The following SLC2A14 variants were observed in gnomAD, a reference collection of about 807,000 sequenced individuals.
The protein encoded by SLC2A14 is solute carrier family 2 member 14.
SLC2A14 carries 13 observed loss-of-function variants against 43.0 expected under a neutral mutation model. The ratio of observed to expected loss-of-function variants is 0.30; its 90% CI spans 0.20 to 0.48. The LOEUF (loss-of-function observed/expected upper bound fraction) is 0.48, where lower values mean the gene tolerates loss of function less well. SLC2A14 is among the 20% of genes least tolerant of loss of function. SLC2A14 has a pLI of 0.99. For missense variants in SLC2A14, 428 were observed against 620.4 expected (o/e 0.69, Z 3.29); for synonymous variants, 190 against 233.8 (o/e 0.81, Z 1.71).
chr12:7,886,654 T>C (rs1000731684), intron 1 of SLC2A14, among the ~76,000 whole-genome samples: 2 of 152,084 alleles, frequency 1.3e-5, no homozygotes, highest in Non-Finnish European at 2.9e-5. Flanking sequence ...CATTGGTAAT[T>C]GGAGAGTAAC....
chr12:7,833,487 C>T (rs528675766), intron 2 of SLC2A14, among the ~76,000 whole-genome samples: 50 of 152,192 alleles, frequency 3.3e-4, no homozygotes, highest in Middle Eastern at 3.2e-3. Flanking sequence ...ACATTTCTGG[C>T]CGGGCACGGT....
chr12:7,872,988 G>A (rs1163840856), upstream of SLC2A14: 1 of 985,402 alleles, frequency 1.0e-6, no homozygotes, highest in African/African-American at 1.7e-5. Flanking sequence ...CGGTTCATCG[G>A]GAGCCCTCCG....
At chr12:7,872,119 C>A (rs1945267283) in intron 1 of SLC2A14, 1 of 157,434 alleles carries the variant, frequency 6.4e-6, no homozygotes. Context: ...ACCAAGGACA[C>A]TTGGCCTTAC....
chr12:7,845,652 G>A (rs995428837), intron 2 of SLC2A14, among the ~76,000 whole-genome samples: 2 of 151,720 alleles, frequency 1.3e-5, no homozygotes, highest in African/African-American at 2.4e-5. Flanking sequence ...GGTGGCAGGC[G>A]CCTGTAGTCC....
chr12:7,879,005 A>AC (rs1945517297), intron 1 of SLC2A14, among the ~76,000 whole-genome samples: 1 of 138,348 alleles, frequency 7.2e-6, no homozygotes, highest in East Asian at 2.3e-4. Context: ...AAAAAAAAAA[A>AC]CAATTTGTCT....
chr12:7,827,089 T>C lies in SLC2A14; in HGVS notation c.864+406A>G, dbSNP rs986904841. Among the ~76,000 whole-genome samples, 8 of 118,992 alleles carry C rather than the reference T, an allele frequency of 6.7e-5. No individual in the cohort carries two copies. In the East Asian group the frequency reaches 1.2e-3, roughly 18 times the overall value. 78.1% of individuals were successfully genotyped at this position (118,992 alleles called of 152,430 possible). ...TCTCTCTCTCTCTTTCTTTCTTTCT[T>C]TCTTTCTCTTTCTTTCTTTCTTTCT... On this transcript the variant is annotated intron_variant, in intron 7 of 10. Coordinates refer to ENST00000431042, the MANE Select transcript of SLC2A14 (RefSeq NM_001286234.2).
At chr12:7,871,612 G>A (rs3923480) in intron 1 of SLC2A14, among the ~76,000 whole-genome samples, 63,630 of 151,562 alleles carry the variant, frequency 0.42, 13,252 homozygotes, top group Admixed American at 0.46. Flanking sequence ...GACCCCTCCA[G>A]GGAAAGACCG....
At chr12:7,877,390 C>T (rs1053882666), upstream of SLC2A14, among the ~76,000 whole-genome samples, 9 of 151,950 alleles carry the variant, frequency 5.9e-5, no homozygotes, top group Non-Finnish European at 1.2e-4. Context: ...ATCACTGCAG[C>T]GTCAACCTCC....
chr12:7,873,924 G>T (rs1302336184), upstream of SLC2A14, among the ~76,000 whole-genome samples: 1 of 152,078 alleles, frequency 6.6e-6, no homozygotes, highest in Admixed American at 6.6e-5. Context: ...TACCACGACA[G>T]CATGGCCTTC....
chr12:7,849,373 G>T (rs577716240), intron 2 of SLC2A14, among the ~76,000 whole-genome samples: 2 of 151,866 alleles, frequency 1.3e-5, no homozygotes, highest in African/African-American at 4.8e-5. Flanking sequence ...GTGTGGTGGC[G>T]CCCACCTGTG....
At chr12:7,826,909 C>CTTTCTTTT (rs1555121677) in intron 7 of SLC2A14, among the ~76,000 whole-genome samples, 2 of 81,174 alleles carry the variant, frequency 2.5e-5, no homozygotes, top group Non-Finnish European at 4.7e-5. Context: ...TTCTTTCTTT[C>CTTTCTTTT]TTTCTTTTTC....
At chr12:7,828,481 G>A (rs371323689) in intron 6 of SLC2A14, among the ~76,000 whole-genome samples, 146 of 151,466 alleles carry the variant, frequency 9.6e-4, no homozygotes, top group African/African-American at 3.2e-3. Flanking sequence ...CCCAGGAGGC[G>A]GAGGTTGCAG....
intron 2 of SLC2A14, among the ~76,000 whole-genome samples, chr12:7,834,539 T>C (rs1865282962): frequency 1.5e-5 from 2 of 131,920 alleles, no homozygotes; most frequent in Non-Finnish European, 3.2e-5. Flanking sequence ...TCTTTTTTTT[T>C]TTTTTTTGAG....
chr12:7,842,679 G>A (rs1866069314), intron 2 of SLC2A14, among the ~76,000 whole-genome samples: 1 of 150,492 alleles, frequency 6.6e-6, no homozygotes, highest in African/African-American at 2.4e-5. Context: ...GCTACATGAT[G>A]ACTGAAGTGC....
At chr12:7,873,252 C>T, upstream of SLC2A14, 1 of 985,596 alleles carries the variant, frequency 1.0e-6, no homozygotes, top group Non-Finnish European at 1.2e-6. Flanking sequence ...TCAAAGATAC[C>T]CGAGCCCCTC....
upstream of SLC2A14, among the ~76,000 whole-genome samples, chr12:7,874,787 A>AC: frequency 9.7e-4 from 2 of 2,054 alleles, no homozygotes; most frequent in African/African-American, 1.3e-3. Context: ...ATAAATATAT[A>AC]AATATATAAA....
chr12:7,846,456 C>A (rs1418799716), intron 2 of SLC2A14, among the ~76,000 whole-genome samples: 1 of 150,752 alleles, frequency 6.6e-6, no homozygotes, highest in Non-Finnish European at 1.5e-5. Context: ...ACATTCTGGT[C>A]CTAAATAAGA....
chr12:7,819,012 G>A (rs962653343), intron 9 of SLC2A14, among the ~76,000 whole-genome samples: 1 of 152,134 alleles, frequency 6.6e-6, no homozygotes, highest in Non-Finnish European at 1.5e-5. Context: ...GAGGTTGGGA[G>A]TTCGAGACCA....
At chr12:7,862,491 G>C (rs916398247) in intron 2 of SLC2A14, among the ~76,000 whole-genome samples, 1 of 151,986 alleles carries the variant, frequency 6.6e-6, no homozygotes, top group Non-Finnish European at 1.5e-5. Context: ...CCTCCTGTGC[G>C]GACGAGCCTC....
Sources: allele counts gnomAD v4.1 joint callset (sites outside exome capture counted in the v4.1 genomes callset), GRCh38; gene constraint gnomAD v4.1.1; transcripts MANE v1.5; gene names NCBI Gene and HGNC (gene_info 2026-07-23, HGNC 2026-07-21).